Variants in DMD observed in about 807,000 individuals in gnomAD.
DMD encodes mutant dystrophin.
In DMD, 63 loss-of-function variants were observed where a neutral mutation model predicts 330.1. The ratio of observed to expected loss-of-function variants is 0.19; its 90% CI spans 0.16 to 0.24. The LOEUF (loss-of-function observed/expected upper bound fraction) is 0.24, where lower values mean the gene tolerates loss of function less well. Ranked by LOEUF, DMD falls within the 10% of genes least tolerant of loss-of-function variation. The probability of loss-of-function intolerance (pLI) is 1.00; values close to 1 mark genes in which losing one functional copy is unlikely to be tolerated. For missense variants in DMD, 3,344 were observed against 2,684.1 expected, an observed-to-expected ratio of 1.25 and a Z score of -5.43; for synonymous variants, 1,223 against 959.8, an observed-to-expected ratio of 1.27 and a Z score of -5.07.
intron 2 of DMD, among the ~76,000 whole-genome samples, chrX:32,997,392 C>T (rs147753734): frequency 0.036 from 3,953 of 110,462 alleles, 129 homozygotes; most frequent in East Asian, 0.2. Flanking sequence ...ATTACAGGCA[C>T]GCGCCACCAT....
chrX:31,786,470 T>G (rs893910107), intron 50 of DMD, among the ~76,000 whole-genome samples: 1 of 111,520 alleles, frequency 9.0e-6, no homozygotes, highest in African/African-American at 3.3e-5. Context: ...GGTTCTGATA[T>G]ATTAAGGCCC....
chrX:33,212,542 A>G (rs2051957728), upstream of DMD, among the ~76,000 whole-genome samples: 1 of 111,909 alleles, frequency 8.9e-6, no homozygotes, highest in Admixed American at 9.5e-5. Flanking sequence ...GAGTGTTTTT[A>G]TTGTACCATT....
chrX:32,808,873 G>T (rs2077141246), intron 7 of DMD, among the ~76,000 whole-genome samples: 1 of 111,822 alleles, frequency 8.9e-6, no homozygotes, highest in South Asian at 3.7e-4. Flanking sequence ...TATTATCTCT[G>T]TAATCTCTAC....
At chrX:32,377,299 T>C (rs2097907227) in intron 34 of DMD, among the ~76,000 whole-genome samples, 1 of 112,112 alleles carries the variant, frequency 8.9e-6, no homozygotes, top group Non-Finnish European at 1.9e-5. Flanking sequence ...TGAGCTTTAT[T>C]TTCAATAGCT....
chrX:32,780,231 T>C (rs943923463), intron 7 of DMD, among the ~76,000 whole-genome samples: 1 of 112,387 alleles, frequency 8.9e-6, no homozygotes, highest in Admixed American at 9.4e-5. Context: ...ATGTAGCAAT[T>C]ACACAATCTC....
At chrX:32,256,377 C>T (rs1013689383) in intron 43 of DMD, among the ~76,000 whole-genome samples, 1 of 107,899 alleles carries the variant, frequency 9.3e-6, no homozygotes, top group Non-Finnish European at 1.9e-5. Flanking sequence ...AAATATTCCG[C>T]CATCCCTTTG....
intron 62 of DMD, among the ~76,000 whole-genome samples, chrX:31,293,868 A>G (rs1391147000): frequency 9.0e-6 from 1 of 111,595 alleles, no homozygotes; most frequent in African/African-American, 3.3e-5. Context: ...AAGAAAGGAC[A>G]TAATAGGCCA....
At chrX:33,277,805 C>T (rs1333462867) in intron 1 of DMD, among the ~76,000 whole-genome samples, 1 of 111,415 alleles carries the variant, frequency 9.0e-6, no homozygotes, top group Non-Finnish European at 1.9e-5. Context: ...AATGTTACTT[C>T]AGAAATGTTA....
At chrX:32,922,005 T>C (rs1272051218) in intron 2 of DMD, among the ~76,000 whole-genome samples, 1 of 110,861 alleles carries the variant, frequency 9.0e-6, no homozygotes, top group Non-Finnish European at 1.9e-5. Flanking sequence ...TCCCTAAATT[T>C]ACAATGAAGG....
intron 44 of DMD, among the ~76,000 whole-genome samples, chrX:32,099,807 G>T (rs2096531004): frequency 9.5e-6 from 1 of 105,797 alleles, no homozygotes; most frequent in African/African-American, 3.5e-5. Flanking sequence ...AAGAGTTAAT[G>T]GGTGCAGCAC....
intron 60 of DMD, among the ~76,000 whole-genome samples, chrX:31,440,147 CTTTTTTT>C (rs56881685): frequency 1.2e-4 from 11 of 92,581 alleles, no homozygotes; most frequent in Admixed American, 2.4e-4. Context: ...TAAAGTATTG[CTTTTTTT>C]TTTTTTTTTT....
intron 43 of DMD, among the ~76,000 whole-genome samples, chrX:32,280,151 TATATATATATAC>T (rs1274301923): frequency 1.0e-4 from 2 of 19,598 alleles, no homozygotes; most frequent in African/African-American, 6.4e-4. Context: ...ACAGTATATA[TATATATATATAC>T]AGTATATATA....
intron 1 of DMD, among the ~76,000 whole-genome samples, chrX:33,035,292 A>C (rs1430316080): frequency 9.0e-6 from 1 of 111,596 alleles, no homozygotes; most frequent in East Asian, 2.8e-4. Context: ...ACACACAGTA[A>C]TTGGCACTGA....
At chrX:32,744,760 A>G (rs2069757929) in intron 7 of DMD, among the ~76,000 whole-genome samples, 1 of 111,576 alleles carries the variant, frequency 9.0e-6, no homozygotes, top group African/African-American at 3.3e-5. Flanking sequence ...CTGCTTTGTC[A>G]ATACTCTAGG....
At chrX:31,968,223 G>T (rs773071528) in intron 45 of DMD, 116 bp downstream of exon 45, 3 of 853,014 alleles carry the variant, frequency 3.5e-6, no homozygotes, top group East Asian at 3.2e-5. Context: ...TGGTTGATAG[G>T]TTCTTTAATG....
intron 7 of DMD, among the ~76,000 whole-genome samples, chrX:32,731,193 G>C (rs191815648): frequency 1.3e-4 from 15 of 112,243 alleles, no homozygotes; most frequent in African/African-American, 3.6e-4. Context: ...CGAATACTGC[G>C]TGTTTCCGAC....
At chrX:31,676,459 AT>A (rs1052295901) in intron 53 of DMD, among the ~76,000 whole-genome samples, 2 of 111,625 alleles carry the variant, frequency 1.8e-5, no homozygotes, top group African/African-American at 6.5e-5. Flanking sequence ...ATAATATGAA[AT>A]TTTTTTTCGC....
chrX:31,986,292 T>C (rs1328542361), intron 44 of DMD, among the ~76,000 whole-genome samples: 1 of 112,044 alleles, frequency 8.9e-6, no homozygotes, highest in African/African-American at 3.2e-5. Context: ...TAAAAGATGA[T>C]AAAATTTTTT....
chrX:31,907,137 AC>A (rs1208226988), intron 47 of DMD, among the ~76,000 whole-genome samples: 1 of 112,067 alleles, frequency 8.9e-6, no homozygotes, highest in African/African-American at 3.2e-5. Flanking sequence ...CCAGTAGCAA[AC>A]CCAGAAATAA....
Sources: allele counts gnomAD v4.1 joint callset (sites outside exome capture counted in the v4.1 genomes callset), GRCh38; gene constraint gnomAD v4.1.1; transcripts MANE v1.5; gene names NCBI Gene and HGNC (gene_info 2026-07-23, HGNC 2026-07-21).